The following UTRN variants were observed in gnomAD, a reference collection of about 807,000 sequenced individuals.
UTRN encodes the protein utrophin, also known as dystrophin-related protein 1.
In UTRN, 283 loss-of-function variants were observed where a neutral mutation model predicts 463.9. The ratio of observed to expected loss-of-function variants is 0.61; its 90% confidence interval spans 0.55 to 0.67. The LOEUF is 0.67. Among genes scored for constraint, UTRN ranks in the 30% least tolerant of loss-of-function variants. UTRN has a pLI of 0.00. For synonymous variants in UTRN, 1,442 were observed against 1,431.5 expected (o/e 1.01, Z -0.17); for missense variants, 3,922 against 4,084.3 (o/e 0.96, Z 1.08).
At chr6:144,845,146 A>T (rs934036979) in intron 73 of UTRN, among the ~76,000 whole-genome samples, 7 of 152,200 alleles carry the variant, frequency 4.6e-5, no homozygotes, top group African/African-American at 1.7e-4. Flanking sequence ...AAAATTATTT[A>T]TGTTGAGTCT....
At chr6:144,514,945 C>A in intron 37 of UTRN, 125 bp downstream of exon 37, 1 of 1,089,836 alleles carries the variant, frequency 9.2e-7, no homozygotes, top group Middle Eastern at 3.2e-4. Context: ...CTCTCTCTGT[C>A]ACCGAGGCTG....
chr6:144,300,804 A>G (rs905324831), intron 2 of UTRN, among the ~76,000 whole-genome samples: 5 of 152,200 alleles, frequency 3.3e-5, no homozygotes, highest in Non-Finnish European at 5.9e-5. Flanking sequence ...AACAGGAGGA[A>G]GCCTTTTCTT....
intron 53 of UTRN, among the ~76,000 whole-genome samples, chr6:144,713,103 A>T (rs1333121854): frequency 6.6e-6 from 1 of 152,190 alleles, no homozygotes; most frequent in East Asian, 1.9e-4. Context: ...CATATTTTCG[A>T]ATATTTGCAT....
chr6:144,472,291 C>T (rs1467951661), intron 23 of UTRN, among the ~76,000 whole-genome samples: 1 of 151,322 alleles, frequency 6.6e-6, no homozygotes, highest in African/African-American at 2.4e-5. Context: ...GACTCATTTC[C>T]TTTAAGTACT....
At chr6:144,836,080 G>A in intron 70 of UTRN, 142 bp downstream of exon 70, 2 of 1,418,294 alleles carry the variant, frequency 1.4e-6, no homozygotes, top group South Asian at 1.4e-5. Context: ...TAACAAACTG[G>A]GATGCTGGCT....
intron 51 of UTRN, among the ~76,000 whole-genome samples, chr6:144,658,396 A>G (rs1367036083): frequency 6.6e-6 from 1 of 152,206 alleles, no homozygotes; most frequent in East Asian, 1.9e-4. Context: ...TAATACCAAC[A>G]TTGTATACTG....
intron 30 of UTRN, 37 bp from the exon 31 acceptor site, chr6:144,490,034 A>G (rs1792903213): frequency 6.3e-7 from 1 of 1,585,122 alleles, no homozygotes; most frequent in Non-Finnish European, 8.5e-7. Flanking sequence ...AAGTAAAAAA[A>G]AAAGGACATC....
In UTRN at chr6:144,622,181, G is replaced by T. The variant is rs368827942; in HGVS notation, c.7479+44893G>T. On this transcript the variant is annotated intron_variant, in intron 51 of 74. Coordinates refer to ENST00000367545, the MANE Select transcript of UTRN (RefSeq NM_007124.3). ...CAATAGATGGTATCCATTTTTTTTT[G>T]TTGTTTTTTTTTTTTTTTTTTTTTG... is the stretch of plus-strand genomic sequence containing the variant. 7.6e-3 allele frequency among the ~76,000 whole-genome samples: 556 copies of T among 73,160 alleles called. 7 individuals are homozygous for T. The highest frequency in any genetic ancestry group is 0.014 in the African/African-American group (281 of 20,376). The allele number at this position is 73,160 out of a possible 152,430, so 48.0% of individuals were successfully genotyped here. A position where few individuals can be genotyped will look rare whatever the true frequency, so the allele number is the denominator to read the frequency against.
intron 51 of UTRN, among the ~76,000 whole-genome samples, chr6:144,580,344 C>A (rs1027092639): frequency 6.6e-6 from 1 of 152,120 alleles, no homozygotes; most frequent in African/African-American, 2.4e-5. Flanking sequence ...CTGACACATT[C>A]GCTGTTTATA....
intron 51 of UTRN, among the ~76,000 whole-genome samples, chr6:144,589,782 T>C (rs1269403475): frequency 2.0e-5 from 3 of 152,160 alleles, no homozygotes; most frequent in African/African-American, 7.2e-5. Flanking sequence ...TTGGAAATCA[T>C]CTGATTCAAC....
chr6:144,725,660 C>G (rs1208489155), intron 53 of UTRN, among the ~76,000 whole-genome samples: 2 of 152,120 alleles, frequency 1.3e-5, no homozygotes, highest in Admixed American at 6.5e-5. Flanking sequence ...TAATGTTCAC[C>G]AGGTGGTTGG....
chr6:144,837,611 C>T (rs1215508658), intron 71 of UTRN, among the ~76,000 whole-genome samples: 1 of 152,170 alleles, frequency 6.6e-6, no homozygotes, highest in Non-Finnish European at 1.5e-5. Context: ...TGCCTTTCTC[C>T]AGAAATGATT....
chr6:144,448,480 TG>T, intron 16 of UTRN, 119 bp from the exon 17 acceptor site: 1 of 1,132,968 alleles, frequency 8.8e-7, no homozygotes. Context: ...ATTATACAAC[TG>T]TATAAATGTG....
intron 58 of UTRN, among the ~76,000 whole-genome samples, chr6:144,766,390 T>C (rs1793350204): frequency 6.6e-6 from 1 of 152,224 alleles, no homozygotes; most frequent in Non-Finnish European, 1.5e-5. Flanking sequence ...GAGCTCGTGC[T>C]TGATTGCTAT....
chr6:144,580,408 A>C (rs1488736691), intron 51 of UTRN, among the ~76,000 whole-genome samples: 1 of 152,238 alleles, frequency 6.6e-6, no homozygotes, highest in African/African-American at 2.4e-5. Context: ...TATTTCAGGA[A>C]GATAAAGCAG....
In UTRN at chr6:144,286,452, C is replaced by T. The variant is rs950947224; in HGVS notation, c.-93+631C>T. ...GTGGCGCGATCGCCAAGCTCCCTGGCAGCGGCCCTGGAGAGACTGAGGGGA... is the reference window on the plus strand; with the variant it reads ...GTGGCGCGATCGCCAAGCTCCCTGGTAGCGGCCCTGGAGAGACTGAGGGGA... On this transcript the variant is annotated intron_variant, in intron 1 of 74. Transcript: ENST00000367545. The surrounding 1 kb of genome is among the most constrained non-coding windows in gnomAD (Gnocchi z 4.4). Among the ~76,000 whole-genome samples, 1 of 152,124 alleles carries T rather than the reference C, an allele frequency of 6.6e-6. No homozygotes were observed. Among genetic ancestry groups the T allele is most frequent in the African/African-American group, 2.4e-5 (1 of 41,406 alleles).
intron 2 of UTRN, among the ~76,000 whole-genome samples, chr6:144,385,979 G>A (rs1294718245): frequency 6.6e-6 from 1 of 152,138 alleles, no homozygotes; most frequent in Non-Finnish European, 1.5e-5. Flanking sequence ...AAAGTGCTGG[G>A]ATTATAGGCA....
chr6:144,607,741 G>C (rs77552112), intron 51 of UTRN, among the ~76,000 whole-genome samples: 7 of 152,220 alleles, frequency 4.6e-5, no homozygotes, highest in African/African-American at 1.7e-4. Flanking sequence ...CATTATTTTG[G>C]TAGTTTCTTG....
chr6:144,305,985 A>G (rs1805700730), intron 2 of UTRN, among the ~76,000 whole-genome samples: 1 of 152,244 alleles, frequency 6.6e-6, no homozygotes, highest in Non-Finnish European at 1.5e-5. Flanking sequence ...GATATGACAT[A>G]TTAAATAAAA....
Sources: allele counts gnomAD v4.1 joint callset (sites outside exome capture counted in the v4.1 genomes callset), GRCh38; gene constraint gnomAD v4.1.1; non-coding constraint Gnocchi (gnomAD v3.1); transcripts MANE v1.5; gene names NCBI Gene and HGNC (gene_info 2026-07-23, HGNC 2026-07-21).